The following RET variants were observed in gnomAD, a reference collection of about 807,000 sequenced individuals.
RET encodes ret proto-oncogene, also known as proto-oncogene tyrosine-protein kinase receptor Ret.
RET carries 19 observed loss-of-function variants against 118.3 expected under a neutral mutation model. That is an observed-to-expected ratio of 0.16 (90% confidence interval 0.11 to 0.24). RET has a LOEUF of 0.24. Among genes scored for constraint, RET ranks in the 10% least tolerant of loss-of-function variants. The pLI, the probability that RET is intolerant of heterozygous loss-of-function variation, is 1.00. For synonymous variants in RET, 597 were observed against 644.1 expected, an observed-to-expected ratio of 0.93 and a Z score of 1.11; for missense variants, 1,219 against 1,502.1, an observed-to-expected ratio of 0.81 and a Z score of 3.12.
intron 19 of RET, among the ~76,000 whole-genome samples, chr10:43,127,749 G>C (rs2090162619): frequency 6.6e-6 from 1 of 152,102 alleles, no homozygotes. Context: ...TTACGTTAGA[G>C]AATGTTTTAT....
At chr10:43,111,878 AC>A (rs1471772317) in intron 7 of RET, among the ~76,000 whole-genome samples, 1 of 152,094 alleles carries the variant, frequency 6.6e-6, no homozygotes, top group Non-Finnish European at 1.5e-5. Context: ...TCCTGTACTT[AC>A]CCCAGCCCAG....
rs1838386438 is a variant in RET, at chr10:43,128,712, G to A, written c.*443G>A. The A allele has an allele frequency of 1.6e-5, 6 of 376,742 alleles. No homozygotes were observed. The highest frequency in any genetic ancestry group is 1.5e-4 in the South Asian group (5 of 32,372). 23.3% of individuals were successfully genotyped at this position (376,742 alleles called of 1,614,324 possible). On this transcript the variant is annotated 3_prime_UTR_variant, in exon 20 of 20. Transcript: ENST00000355710. Reference sequence around the variant, plus strand: ...AGCACACACACAAAAAAGGCAGTAGGAAAAATGCTGGCCCTGATGACCTGT... The same window carrying A: ...AGCACACACACAAAAAAGGCAGTAGAAAAAATGCTGGCCCTGATGACCTGT...
chr10:43,120,009 TCA>T, intron 14 of RET, 70 bp from the exon 15 acceptor site: 2 of 1,598,786 alleles, frequency 1.3e-6, no homozygotes, highest in Non-Finnish European at 1.7e-6. Flanking sequence ...CCTCTGCTGG[TCA>T]CACCAGGCTG....
chr10:43,108,987 C>A lies in RET; in HGVS notation c.1064-44C>A, dbSNP rs767429643. 3 of 1,584,628 alleles carry A rather than the reference C, an allele frequency of 1.9e-6. No individual in the cohort carries two copies. The South Asian group carries it at 3.3e-5, about 17-fold the overall frequency. On this transcript the variant is annotated intron_variant, in intron 5 of 19. Coordinates refer to ENST00000355710, the MANE Select transcript of RET (RefSeq NM_020975.6). ...AAGAGGTGTGCTACACATGAGGAAG[C>A]AGCCAGAGCAGCTTGGTGGTCATTG...
At chr10:43,112,461 T>C (rs1184103992) in intron 8 of RET, among the ~76,000 whole-genome samples, 2 of 152,208 alleles carry the variant, frequency 1.3e-5, no homozygotes, top group Non-Finnish European at 2.9e-5. Flanking sequence ...TGGGAAGGTC[T>C]GAACCAAAGT....
chr10:43,079,387 A>G (rs1837128086), intron 1 of RET, among the ~76,000 whole-genome samples: 1 of 152,334 alleles, frequency 6.6e-6, no homozygotes, highest in East Asian at 1.9e-4. Context: ...CCTGCAGGGC[A>G]TAGCCTGTCA....
Position 43,114,708 on chromosome 10 carries a change from A to G in RET, c.2108A>G (p.Gln703Arg), listed in dbSNP as rs1838031470. The G allele has an allele frequency of 6.2e-7, 1 of 1,611,544 alleles. No individual in the cohort carries two copies. ...RRPSLDSMEN[Q>R]VSVDAFKILE... is the part of the protein sequence containing the mutation. Reference sequence around the variant, plus strand: ...CCCTCGCTGGACTCCATGGAGAACCAGGTCTCCGTGGATGCCTTCAAGATC... The same window carrying G: ...CCCTCGCTGGACTCCATGGAGAACCGGGTCTCCGTGGATGCCTTCAAGATC... The change falls in exon 11 of 20, where the codon CAG becomes CGG. Residue 703 changes from glutamine (Q) to arginine (R), a missense_variant. Gln to Arg is a conservative substitution (Grantham distance 43). This residue lies in a region of RET where 850 missense variants were observed against 969.6 expected (regional missense o/e 0.88). Coordinates refer to ENST00000355710, the MANE Select transcript of RET (RefSeq NM_020975.6). The surrounding 1 kb of genome is among the most constrained non-coding windows in gnomAD (Gnocchi z 4.6).
rs60788231 is a variant in RET, at chr10:43,101,098, G to A, written c.337+376G>A. On this transcript the variant is annotated intron_variant, in intron 2 of 19. Coordinates refer to ENST00000355710, the MANE Select transcript of RET (RefSeq NM_020975.6). ...ATGACCTGCAACTCTCTGGAGAAGC[G>A]GCAGTTCCCAAGGAAAGCCTGACTT... Among the ~76,000 whole-genome samples the A allele has an allele frequency of 9.6e-3, 1,463 of 152,334 alleles. 21 individuals carry two copies. The highest frequency in any genetic ancestry group is 0.032 in the African/African-American group (1,348 of 41,570).
rs78601594 is a variant in RET, at chr10:43,113,205, G to A, written c.1759+242G>A. 0.052 allele frequency among the ~76,000 whole-genome samples: 7,920 copies of A among 152,280 alleles called. 242 individuals are homozygous for A. The highest frequency in any genetic ancestry group is 0.091 in the South Asian group (440 of 4,830). On this transcript the variant is annotated intron_variant, in intron 9 of 19. Coordinates refer to ENST00000355710, the MANE Select transcript of RET (RefSeq NM_020975.6). ...GAGGTCCCAGAAGTCGGCACACACA[G>A]ATTTCAGAAGCAGAGAATGGTCAGT...
At chr10:43,127,551 T>C in intron 19 of RET, 1 of 975,518 alleles carries the variant, frequency 1.0e-6, no homozygotes, top group Non-Finnish European at 1.2e-6. Flanking sequence ...TCTTGGAGTT[T>C]CAAGCATTTT....
rs2132944979 is a variant in RET at position 43,119,597 on chromosome 10, G to A, written c.2459G>A (p.Arg820His). ...GSLRGFLRESRKVGPGYLGSG... is the reference protein window; with the variant it reads ...GSLRGFLRESHKVGPGYLGSG... Reference sequence around the variant, plus strand: ...CTGCGGGGCTTCCTCCGCGAGAGCCGCAAAGTGGGGCCTGGCTACCTGGGC... The same window carrying A: ...CTGCGGGGCTTCCTCCGCGAGAGCCACAAAGTGGGGCCTGGCTACCTGGGC... Residue 820 changes from arginine (R) to histidine (H), a missense_variant, in exon 14 of 20, where the codon CGC becomes CAC. Around this residue, in one of 5 missense-constraint regions of RET, gnomAD observed 850 missense variants for 969.6 expected, o/e 0.88. Coordinates refer to ENST00000355710, the MANE Select transcript of RET (RefSeq NM_020975.6). 1 of 1,612,126 alleles carries A rather than the reference G, an allele frequency of 6.2e-7. No homozygotes were observed. Among genetic ancestry groups the A allele is most frequent in the Non-Finnish European group, 8.5e-7 (1 of 1,179,860 alleles).
chr10:43,106,492 C>T lies in RET; in HGVS notation c.984C>T (p.Thr328=), dbSNP rs1453202992. The change falls in exon 5 of 20, where the codon ACC becomes ACT. Residue 328 remains threonine (T), a synonymous_variant. Coordinates refer to ENST00000355710, the MANE Select transcript of RET (RefSeq NM_020975.6). This position sits in a 1 kb window ranked among gnomAD's most constrained non-coding sequence, Gnocchi z 5.1. ...LLPGDTWAQQ[T]FRVEHWPNET... is the part of the protein sequence containing the mutation. ...CCGGGGACACCTGGGCCCAGCAGAC[C>T]TTCCGGGTGGAACACTGGCCCAACG... The T allele has an allele frequency of 7.4e-6, 12 of 1,613,658 alleles. No homozygotes were observed. The South Asian group carries it at 1.1e-4, about 15-fold the overall frequency.
chr10:43,078,844 C>T (rs868616266), intron 1 of RET, among the ~76,000 whole-genome samples: 1 of 152,218 alleles, frequency 6.6e-6, no homozygotes, highest in Admixed American at 6.5e-5. Flanking sequence ...GACAGCTTCC[C>T]GAATCCAGAG....
chr10:43,097,054 A>T (rs1242749470), intron 1 of RET, among the ~76,000 whole-genome samples: 1 of 152,228 alleles, frequency 6.6e-6, no homozygotes, highest in Non-Finnish European at 1.5e-5. Flanking sequence ...TTTTGGCAGC[A>T]GGGAGACCAA....
At position 43,098,403 on chromosome 10, in the gene RET, T is replaced by C. The variant is rs114905274; in HGVS notation, c.74-2056T>C. On this transcript the variant is annotated intron_variant, in intron 1 of 19. Transcript: ENST00000355710. ...CTCAAGGGTTATCAGTGTTATAGCC[T>C]GTGTCAGGATTTTCCTCCTTTTTTT... 6.1e-3 allele frequency among the ~76,000 whole-genome samples: 930 copies of C among 151,500 alleles called. 9 individuals carry two copies. The highest frequency in any genetic ancestry group is 0.021 in the African/African-American group (883 of 41,264).
Position 43,111,072 on chromosome 10 carries a change from G to A in RET, c.1264-135G>A, listed in dbSNP as rs1223974992. ...AAGGCTCTGAGGGGTGGAGGACAGG[G>A]TGCTCGGGGGGGCTGCTGTCTCCAG... On this transcript the variant is annotated intron_variant, in intron 6 of 19. Transcript: ENST00000355710. The A allele has an allele frequency of 2.4e-6, 3 of 1,246,134 alleles. No individual in the cohort carries two copies. The East Asian group carries it at 7.3e-5, about 30-fold the overall frequency. The allele number at this position is 1,246,134 out of a possible 1,614,324, so 77.2% of individuals were successfully genotyped here. A position where few individuals can be genotyped will look rare whatever the true frequency, so the allele number is the denominator to read the frequency against.
intron 1 of RET, among the ~76,000 whole-genome samples, chr10:43,096,248 C>G (rs540679615): frequency 6.6e-6 from 1 of 152,106 alleles, no homozygotes; most frequent in South Asian, 2.1e-4. Flanking sequence ...GGCCTTGGTC[C>G]ACAGGCCAGG....
At chr10:43,079,845 A>G (rs1837140299) in intron 1 of RET, among the ~76,000 whole-genome samples, 1 of 152,146 alleles carries the variant, frequency 6.6e-6, no homozygotes, top group Non-Finnish European at 1.5e-5. Context: ...GGCCAGGGGT[A>G]CAGCTCCCCC....
chr10:43,127,293 G>T (rs1838357115), intron 19 of RET: 1 of 1,069,018 alleles, frequency 9.4e-7, no homozygotes, highest in Non-Finnish European at 1.1e-6. Flanking sequence ...GCAGGAGCTG[G>T]CTGGCCCTGG....
Sources: allele counts gnomAD v4.1 joint callset (sites outside exome capture counted in the v4.1 genomes callset), GRCh38; gene constraint gnomAD v4.1.1; regional missense constraint gnomAD v4.1.1; non-coding constraint Gnocchi (gnomAD v3.1); transcripts MANE v1.5; gene names NCBI Gene and HGNC (gene_info 2026-07-23, HGNC 2026-07-21).